The following XRCC3 variants were observed in gnomAD, a reference collection of about 807,000 sequenced individuals.
The protein encoded by XRCC3 is X-ray repair cross complementing 3.
XRCC3 carries 34 observed loss-of-function variants against 29.2 expected under a neutral mutation model. The observed-to-expected ratio is 1.16, with a 90% confidence interval of 0.88 to 1.55. The LOEUF is 1.55. XRCC3 is among the 40% of genes most tolerant of loss of function. XRCC3 has a pLI of 0.00. For synonymous variants in XRCC3, 223 were observed against 211.3 expected, an observed-to-expected ratio of 1.06 and a Z score of -0.48; for missense variants, 463 against 467.6, an observed-to-expected ratio of 0.99 and a Z score of 0.09.
At chr14:103,705,759 C>A (rs1313841668) in intron 6 of XRCC3, 1 of 155,380 alleles carries the variant, frequency 6.4e-6, no homozygotes, top group Non-Finnish European at 1.4e-5. Context: ...GTGGGCTTCA[C>A]TGAAAAGGCC....
At chr14:103,707,637 C>G in intron 5 of XRCC3, 2 of 307,812 alleles carry the variant, frequency 6.5e-6, no homozygotes, top group South Asian at 6.3e-5. Flanking sequence ...CGCACACATG[C>G]ACACCACATG....
chr14:103,699,902 G>T (rs2082991639), intron 7 of XRCC3: 3 of 396,720 alleles, frequency 7.6e-6, no homozygotes, highest in South Asian at 2.2e-5. Context: ...CCTTGCGGGG[G>T]TCTGCTCTCC....
chr14:103,699,029 G>A lies in XRCC3; in HGVS notation c.822-12C>T, dbSNP rs2082844731. On this transcript the variant is annotated splice_polypyrimidine_tract_variant and intron_variant, in intron 9 of 9. Transcript: ENST00000555055. Reference sequence around the variant, plus strand: ...GTTCGTCCCAGAACCTGAGAAACAGGAAGCAGGCAAGCTGGCGCTCAGGCT... The same window carrying A: ...GTTCGTCCCAGAACCTGAGAAACAGAAAGCAGGCAAGCTGGCGCTCAGGCT... The A allele has an allele frequency of 1.3e-6, 2 of 1,577,224 alleles. No individual in the cohort carries two copies. The highest frequency in any genetic ancestry group is 1.4e-5 in the African/African-American group (1 of 73,870).
intron 6 of XRCC3, chr14:103,706,432 G>A: frequency 4.4e-6 from 2 of 455,944 alleles, no homozygotes; most frequent in Admixed American, 4.7e-5. Flanking sequence ...CAGGGAATTA[G>A]TTTAAAAGTT....
At chr14:103,708,075 G>A in intron 5 of XRCC3, 1 of 294,168 alleles carries the variant, frequency 3.4e-6, no homozygotes, top group South Asian at 3.3e-5. Context: ...CTGCTGAGAT[G>A]CAGGGATGGA....
In XRCC3 at chr14:103,703,188, C is replaced by T. The variant is rs2151930850; in HGVS notation, c.546G>A (p.Glu182=). The change falls in exon 7 of 10, where the codon GAG becomes GAA. Residue 182 remains glutamate, a synonymous_variant. Coordinates refer to ENST00000555055, the MANE Select transcript of XRCC3 (RefSeq NM_005432.4). The stretch of plus-strand genomic sequence containing the variant: ...CCACACTCACCACATCGGCCACGTG[C>T]TCGATGAAGATCTGGCTGCCAAATC... The part of the protein sequence containing the change: ...KLRFGSQIFI[E]HVADVDTLLE... 2.5e-6 allele frequency: 4 copies of T among 1,572,112 alleles called. No homozygotes were observed. Among genetic ancestry groups the T allele is most frequent in the Non-Finnish European group, 3.5e-6 (4 of 1,158,384 alleles).
At chr14:103,699,780 C>A (rs1338395894) in intron 7 of XRCC3, 7 of 622,712 alleles carry the variant, frequency 1.1e-5, no homozygotes, top group Non-Finnish European at 2.0e-5. Context: ...TTCAGGCTCA[C>A]ACAACTGGTT....
chr14:103,707,549 A>AAGGC (rs2083478176), intron 5 of XRCC3: 1 of 440,232 alleles, frequency 2.3e-6, no homozygotes, highest in Admixed American at 3.5e-5. Context: ...TGTGAAGAAA[A>AAGGC]AGGCACAGCT....
At position 103,708,652 on chromosome 14, in the gene XRCC3, C is replaced by T. The variant is rs1196925499; in HGVS notation, c.63G>A (p.Leu21=). 1 of 1,614,056 alleles carries T rather than the reference C, an allele frequency of 6.2e-7. No individual in the cohort carries two copies. The highest frequency in any genetic ancestry group is 1.3e-5 in the African/African-American group (1 of 74,958). Residue 21 remains leucine (L), a synonymous_variant, in exon 5 of 10, where the codon CTG becomes CTA. Transcript: ENST00000555055. ...RIIAAIKKAK[L]KSVKEVLHFS... ...AGTGTAAAACCTCCTTTACCGATTT[C>T]AGTTTGGCTGAAATAACACAGATAA...
At chr14:103,700,629 G>A in intron 7 of XRCC3, 1 of 1,597,556 alleles carries the variant, frequency 6.3e-7, no homozygotes, top group African/African-American at 1.4e-5. Context: ...CGCCCTGAGT[G>A]AAACTCGTCT....
In XRCC3 at chr14:103,698,880, G is replaced by C; in HGVS notation, c.959C>G (p.Ala320Gly). The change falls in exon 10 of 10, where the codon GCC (alanine) becomes GGC (glycine). Residue 320 changes from alanine (A) to glycine (G), a missense_variant. By Grantham distance (60) the Ala-to-Gly change is moderately conservative (BLOSUM62 0). Transcript: ENST00000555055. ...CPARTLRVLSAPHLPPSSCSY... is the reference protein window; with the variant it reads ...CPARTLRVLSGPHLPPSSCSY... ...ACAGGAGGAGGGGGGCAGGTGGGGG[G>C]CAGAGAGCACCCGCAGGGTCCGGGC... 6.2e-7 allele frequency: 1 copy of C among 1,606,176 alleles called. No individual in the cohort carries two copies. The highest frequency in any genetic ancestry group is 8.5e-7 in the Non-Finnish European group (1 of 1,176,962).
At position 103,709,311 on chromosome 14, in the gene XRCC3, C is replaced by T. The variant is rs3212042; in HGVS notation, c.56-652G>A. 4.8e-3 allele frequency: 791 copies of T among 165,286 alleles called. 10 individuals carry two copies. Among genetic ancestry groups the T allele is most frequent in the Middle Eastern group, 6.2e-3 (2 of 322 alleles). The allele number at this position is 165,286 out of a possible 1,614,324, so 10.2% of individuals were successfully genotyped here. On this transcript the variant is annotated intron_variant, in intron 4 of 9. Coordinates refer to ENST00000555055, the MANE Select transcript of XRCC3 (RefSeq NM_005432.4). Reference sequence around the variant, plus strand: ...ATTTTGGACTCAGATAAGTGCATCACTTTCTAATTTCAAACTTGTAGAAAG... The same window carrying T: ...ATTTTGGACTCAGATAAGTGCATCATTTTCTAATTTCAAACTTGTAGAAAG...
chr14:103,704,858 GCTCT>G (rs908378694), intron 6 of XRCC3: 2 of 152,178 alleles, frequency 1.3e-5, no homozygotes, highest in Non-Finnish European at 2.9e-5. Flanking sequence ...AGGCCGGCGA[GCTCT>G]CTAAGCACTG....
intron 6 of XRCC3, chr14:103,705,563 T>G (rs2083405977): frequency 1.3e-5 from 2 of 152,264 alleles, no homozygotes; most frequent in Non-Finnish European, 2.9e-5. Context: ...AGGAAGTCAT[T>G]TCCCCAGGAA....
In XRCC3 at chr14:103,703,277, G is replaced by A. The variant is rs2151931328; in HGVS notation, c.457C>T (p.Gln153Ter). The change falls in exon 7 of 10, where the codon CAG becomes TAG. Residue 153 changes from glutamine to a stop codon, truncating the protein, a stop_gained. Transcript: ENST00000555055. LOFTEE classifies it high-confidence loss of function. The part of the protein sequence containing the change: ...EDAFPHKRLQ[Q>*]LMAQQPRLRT... ...AGCCGCGGCTGCTGGGCCATGAGCT[G>A]CTGCAGGCGCTTGTGCGGGAAGGCG... The A allele has an allele frequency of 6.4e-7, 1 of 1,558,350 alleles. No homozygotes were observed. Among genetic ancestry groups the A allele is most frequent in the Non-Finnish European group, 8.7e-7 (1 of 1,153,360 alleles).
Position 103,711,091 on chromosome 14 carries a change from G to C in XRCC3, c.-4C>G. ...GGTCCAGTAGATCCAAATCCATTTT[G>C]TCGGTGGGCTGGCCACCAGGATGAA... is the stretch of plus-strand genomic sequence containing the variant. On this transcript the variant is annotated 5_prime_UTR_variant, in exon 4 of 10. Transcript: ENST00000555055. 1 of 1,614,090 alleles carries C rather than the reference G, an allele frequency of 6.2e-7. No homozygotes were observed.
intron 5 of XRCC3, 143 bp from the exon 6 acceptor site, chr14:103,707,358 T>C (rs1595668002): frequency 9.5e-7 from 1 of 1,049,714 alleles, no homozygotes; most frequent in African/African-American, 1.6e-5. Context: ...GTGAGCAAGG[T>C]GCTGAGGGCA....
chr14:103,701,164 T>G, intron 7 of XRCC3: 2 of 1,549,716 alleles, frequency 1.3e-6, no homozygotes, highest in Non-Finnish European at 1.7e-6. Context: ...TGTCAGGTTT[T>G]GGCGGCCCAG....
In XRCC3 at chr14:103,698,688, G is replaced by T; in HGVS notation, c.*110C>A. On this transcript the variant is annotated 3_prime_UTR_variant, in exon 10 of 10. Coordinates refer to ENST00000555055, the MANE Select transcript of XRCC3 (RefSeq NM_005432.4). The stretch of plus-strand genomic sequence containing the variant: ...GGAGCCGCTGCCCTGGAAGAGCTGT[G>T]TCTGAACCAGGCTCCCAGCTGTGCC... 9.9e-7 allele frequency: 1 copy of T among 1,010,820 alleles called. No individual in the cohort carries two copies. The highest frequency in any genetic ancestry group is 1.5e-6 in the Non-Finnish European group (1 of 661,862). The allele number at this position is 1,010,820 out of a possible 1,614,324, so 62.6% of individuals were successfully genotyped here.
Sources: allele counts gnomAD v4.1 joint callset, GRCh38; gene constraint gnomAD v4.1.1; transcripts MANE v1.5; gene names NCBI Gene and HGNC (gene_info 2026-07-23, HGNC 2026-07-21).